The following PIEZO2 variants were observed in gnomAD, a reference collection of about 807,000 sequenced individuals.
PIEZO2 encodes piezo type mechanosensitive ion channel component 2, also known as piezo-type mechanosensitive ion channel component 2.
A neutral mutation model predicts 337.3 loss-of-function variants in PIEZO2; 172 were observed. The observed-to-expected ratio is 0.51, with a 90% CI of 0.45 to 0.58. The LOEUF is 0.58. Ranked by LOEUF, PIEZO2 falls within the 20% of genes least tolerant of loss-of-function variation. The pLI, the probability that PIEZO2 is intolerant of heterozygous loss-of-function variation, is 0.00. For missense variants in PIEZO2, 3,028 were observed against 3,391.3 expected (o/e 0.89, Z 2.66); for synonymous variants, 1,251 against 1,228.5 (o/e 1.02, Z -0.38).
chr18:11,058,932 G>T (rs904643453), intron 2 of PIEZO2, among the ~76,000 whole-genome samples: 2 of 152,156 alleles, frequency 1.3e-5, no homozygotes, highest in African/African-American at 4.8e-5. Flanking sequence ...CTCGAGAAGA[G>T]CAACTCCAAG....
intron 35 of PIEZO2, among the ~76,000 whole-genome samples, chr18:10,733,022 G>A (rs75812600): frequency 6.6e-6 from 1 of 152,028 alleles, no homozygotes; most frequent in Non-Finnish European, 1.5e-5. Flanking sequence ...AATATGAGGC[G>A]CACAAGTTGG....
intron 30 of PIEZO2, among the ~76,000 whole-genome samples, chr18:10,745,502 C>A (rs966364893): frequency 6.6e-6 from 1 of 152,080 alleles, no homozygotes; most frequent in Non-Finnish European, 1.5e-5. Flanking sequence ...CTGGCTTTGA[C>A]CCCACTGTCA....
chr18:10,733,432 C>G (rs8083113), intron 35 of PIEZO2, among the ~76,000 whole-genome samples: 2 of 149,464 alleles, frequency 1.3e-5, no homozygotes, highest in Non-Finnish European at 3.0e-5. Flanking sequence ...ATGGAAGGCT[C>G]TTACCAAACT....
intron 1 of PIEZO2, among the ~76,000 whole-genome samples, chr18:11,122,156 C>T (rs539194848): frequency 1.5e-4 from 23 of 152,210 alleles, no homozygotes; most frequent in Middle Eastern, 6.8e-3. Context: ...GGGGTTTCAC[C>T]ATGTTAGCCA....
In PIEZO2 at chr18:10,940,454, A is replaced by G. The variant is rs982490942; in HGVS notation, c.287-29226T>C. On this transcript the variant is annotated intron_variant, in intron 3 of 55. Transcript: ENST00000674853. The surrounding 1 kb of genome is among the most constrained non-coding windows in gnomAD (Gnocchi z 5.3). ...AATATCCTAGTGTTTTCCTCCAGTG[A>G]ACATTTTACATAAGGTATCCTTGTA... Among the ~76,000 whole-genome samples, 1 of 152,250 alleles carries G rather than the reference A, an allele frequency of 6.6e-6. No homozygotes were observed.
chr18:10,742,388 C>T (rs977133454), intron 32 of PIEZO2, 106 bp downstream of exon 32: 22 of 1,286,996 alleles, frequency 1.7e-5, no homozygotes, highest in Middle Eastern at 2.0e-4. Flanking sequence ...AAAAGTGTAT[C>T]GATAATCTTG....
chr18:10,994,644 G>A (rs1313932482), intron 2 of PIEZO2, among the ~76,000 whole-genome samples: 14 of 150,890 alleles, frequency 9.3e-5, no homozygotes, highest in African/African-American at 2.4e-4. Context: ...TCCTGACCTC[G>A]TGATCTACCC....
At chr18:10,790,555 A>T (rs527684809) in intron 14 of PIEZO2, among the ~76,000 whole-genome samples, 2 of 152,340 alleles carry the variant, frequency 1.3e-5, no homozygotes, top group Admixed American at 6.5e-5. Flanking sequence ...TATTGTTAAG[A>T]AAGAAGAGAG....
intron 3 of PIEZO2, among the ~76,000 whole-genome samples, chr18:10,959,416 G>T (rs2033671803): frequency 6.6e-6 from 1 of 152,142 alleles, no homozygotes; most frequent in South Asian, 2.1e-4. Context: ...TGAATGGAGA[G>T]AAATGTCACA....
At chr18:11,034,366 G>A (rs1049739992) in intron 2 of PIEZO2, among the ~76,000 whole-genome samples, 2 of 151,598 alleles carry the variant, frequency 1.3e-5, no homozygotes, top group African/African-American at 4.8e-5. Context: ...TGCGATCTCG[G>A]CTCACTGCAA....
At chr18:11,093,629 C>T (rs928714046) in intron 1 of PIEZO2, among the ~76,000 whole-genome samples, 13 of 138,482 alleles carry the variant, frequency 9.4e-5, no homozygotes, top group Admixed American at 1.6e-4. Flanking sequence ...CTCTGTCGCC[C>T]AGGCTGGAGT....
chr18:10,744,007 A>C, intron 31 of PIEZO2, 135 bp downstream of exon 31: 1 of 607,310 alleles, frequency 1.6e-6, no homozygotes, highest in Non-Finnish European at 2.8e-6. Context: ...CACAAGAATA[A>C]ATAAATAGGA....
At chr18:10,681,846 AT>A (rs2034280692) in intron 50 of PIEZO2, 93 bp from the exon 51 acceptor site, 1 of 1,106,658 alleles carries the variant, frequency 9.0e-7, no homozygotes, top group Admixed American at 1.9e-5. Flanking sequence ...ATATCAGCCC[AT>A]TTATGTAGGC....
Position 11,128,552 on chromosome 18 carries a change from C to T in PIEZO2, c.64+19973G>A, listed in dbSNP as rs578138841. Among the ~76,000 whole-genome samples the T allele has an allele frequency of 1.8e-4, 27 of 152,280 alleles. No individual in the cohort carries two copies. In the East Asian group the frequency reaches 3.5e-3, roughly 20 times the overall value. On this transcript the variant is annotated intron_variant, in intron 1 of 55. Transcript: ENST00000674853. This position sits in a 1 kb window ranked among gnomAD's most constrained non-coding sequence, Gnocchi z 4.1. ...GGAACAGCTTCCCCATCCCCAGTAG[C>T]GGCAACATCCCTTCCCAAACCACGC...
rs891142327 is a variant in PIEZO2 at position 11,070,981 on chromosome 18, A to G, written c.65-4759T>C. Among the ~76,000 whole-genome samples the G allele has an allele frequency of 9.2e-5, 14 of 152,200 alleles. No homozygotes were observed. Among genetic ancestry groups the G allele is most frequent in the African/African-American group, 3.1e-4 (13 of 41,450 alleles). ...TAGCACACTCCAGCCAAGGGTCTGC[A>G]TTAGAACCCGTGGTGCCTGCTTCCA... On this transcript the variant is annotated intron_variant, in intron 1 of 55. Transcript: ENST00000674853. The surrounding 1 kb of genome is among the most constrained non-coding windows in gnomAD (Gnocchi z 4.3).
rs1263762921 is a variant in PIEZO2, at chr18:10,940,925, T to C, written c.287-29697A>G. 2.0e-5 allele frequency among the ~76,000 whole-genome samples: 3 copies of C among 152,166 alleles called. No homozygotes were observed. Among genetic ancestry groups the C allele is most frequent in the Admixed American group, 6.5e-5 (1 of 15,274 alleles). Reference sequence around the variant, plus strand: ...GTTACCCATTACTATAGCAAGGTTATAGAGAAAATATATATGGCTCTGCAT... The same window carrying C: ...GTTACCCATTACTATAGCAAGGTTACAGAGAAAATATATATGGCTCTGCAT... On this transcript the variant is annotated intron_variant, in intron 3 of 55. Transcript: ENST00000674853. This position sits in a 1 kb window ranked among gnomAD's most constrained non-coding sequence, Gnocchi z 5.3.
intron 4 of PIEZO2, among the ~76,000 whole-genome samples, chr18:10,873,663 C>T (rs2042193923): frequency 6.6e-6 from 1 of 151,940 alleles, no homozygotes; most frequent in Non-Finnish European, 1.5e-5. Context: ...AGAATGTTTC[C>T]ACGTATTTGT....
At chr18:10,679,812 A>G (rs1489098633) in intron 52 of PIEZO2, among the ~76,000 whole-genome samples, 1 of 152,224 alleles carries the variant, frequency 6.6e-6, no homozygotes, top group Non-Finnish European at 1.5e-5. Flanking sequence ...ACTATTTTGC[A>G]TTATAGTAAG....
intron 37 of PIEZO2, among the ~76,000 whole-genome samples, chr18:10,717,083 C>A (rs745449652): frequency 2.6e-5 from 4 of 152,190 alleles, no homozygotes; most frequent in Non-Finnish European, 5.9e-5. Flanking sequence ...CAAATCCCAA[C>A]TCTACTCTTT....
Sources: gnomAD v4.1 joint callset for allele counts (sites outside exome capture counted in the v4.1 genomes callset) on GRCh38, gnomAD v4.1.1 for gene constraint, Gnocchi (gnomAD v3.1) non-coding constraint, MANE v1.5 for transcripts, NCBI Gene and HGNC (gene_info 2026-07-23, HGNC 2026-07-21) for gene names.